DOCK8: variants seen among roughly 807,000 people sequenced by gnomAD.
DOCK8 encodes the protein dedicator of cytokinesis protein 8.
A neutral mutation model predicts 245.6 loss-of-function variants in DOCK8; 141 were observed. The observed-to-expected ratio is 0.57, with a 90% CI of 0.50 to 0.66. The LOEUF (loss-of-function observed/expected upper bound fraction) is 0.66. Ranked by LOEUF, DOCK8 falls within the 30% of genes least tolerant of loss-of-function variation. DOCK8 has a pLI of 0.00. For missense variants in DOCK8, 2,965 were observed against 2,603.4 expected (o/e 1.14, Z -3.02); for synonymous variants, 1,168 against 970.2 (o/e 1.20, Z -3.79).
Position 405,793 on chromosome 9 carries a change from TA to T in DOCK8, c.3390+721del, listed in dbSNP as rs1340713375. 2.6e-5 allele frequency among the ~76,000 whole-genome samples: 4 copies of T among 152,348 alleles called. No individual in the cohort carries two copies. In the East Asian group the frequency reaches 7.7e-4, roughly 29 times the overall value. On this transcript the variant is annotated intron_variant, in intron 27 of 47. Coordinates refer to ENST00000432829, the MANE Select transcript of DOCK8 (RefSeq NM_203447.4). Reference sequence around the variant, plus strand: ...CTAATTGAAAAAAAAATCTTAGCCATATATGCCATATGGCATGATCCAGATA... The same window carrying T: ...CTAATTGAAAAAAAAATCTTAGCCATTATGCCATATGGCATGATCCAGATA...
chr9:375,201 G>A (rs2053467473), intron 18 of DOCK8, among the ~76,000 whole-genome samples: 1 of 152,098 alleles, frequency 6.6e-6, no homozygotes, highest in African/African-American at 2.4e-5. Context: ...AGCTTTAAAG[G>A]TCTCCATCCC....
chr9:393,499 A>G (rs1465447873), intron 24 of DOCK8, among the ~76,000 whole-genome samples: 1 of 152,210 alleles, frequency 6.6e-6, no homozygotes, highest in Non-Finnish European at 1.5e-5. Context: ...GGTTGGAGGA[A>G]GGGTGGTGGC....
intron 9 of DOCK8, among the ~76,000 whole-genome samples, chr9:331,621 G>T (rs1395562728): frequency 2.0e-5 from 3 of 152,080 alleles, no homozygotes; most frequent in Non-Finnish European, 4.4e-5. Flanking sequence ...TTTTTTTTGA[G>T]CAGAGAGTTA....
chr9:293,652 A>G (rs2049137989), intron 4 of DOCK8, among the ~76,000 whole-genome samples: 1 of 152,182 alleles, frequency 6.6e-6, no homozygotes, highest in Non-Finnish European at 1.5e-5. Context: ...AGTTTGGTAC[A>G]TCCTTCTCTT....
chr9:262,931 G>T lies in DOCK8; in HGVS notation c.54-8696G>T, dbSNP rs536932691. Among the ~76,000 whole-genome samples the T allele has an allele frequency of 3.9e-5, 6 of 152,312 alleles. No individual in the cohort carries two copies. In the East Asian group the frequency reaches 1.2e-3, roughly 29 times the overall value. On this transcript the variant is annotated intron_variant, in intron 1 of 47. Coordinates refer to ENST00000432829, the MANE Select transcript of DOCK8 (RefSeq NM_203447.4). ...ACATTTAATAACTGATATAGGCAGG[G>T]CACGGTGGCTCCCGCCTGTAATCCC...
chr9:444,737 C>T (rs2057199567), intron 43 of DOCK8, among the ~76,000 whole-genome samples: 1 of 152,200 alleles, frequency 6.6e-6, no homozygotes, highest in Non-Finnish European at 1.5e-5. Flanking sequence ...CACAAAGACA[C>T]CCATCACTGA....
At chr9:437,098 A>G (rs994986154) in intron 39 of DOCK8, among the ~76,000 whole-genome samples, 9 of 152,232 alleles carry the variant, frequency 5.9e-5, no homozygotes, top group African/African-American at 2.4e-5. Context: ...GGACATACCA[A>G]ATCAATTTGG....
Position 336,653 on chromosome 9 carries a change from G to T in DOCK8, c.1357G>T (p.Glu453Ter), listed in dbSNP as rs113203757. The T allele has an allele frequency of 9.3e-6, 15 of 1,614,038 alleles. No homozygotes were observed. The highest frequency in any genetic ancestry group is 1.3e-5 in the Non-Finnish European group (15 of 1,180,020). Residue 453 changes from glutamate (E) to a stop codon, truncating the protein, a stop_gained, in exon 12 of 48, where the codon GAG becomes TAG. Transcript: ENST00000432829. LOFTEE classifies it high-confidence loss of function. ...GCTTTCTGAAAGAGCCCTCTCCTTG[G>T]AGGAAAATGGGGTTGGATCCAACTT... ...RRLSERALSLEENGVGSNFKT... is the reference protein window; with the variant it reads ...RRLSERALSL
In DOCK8 at chr9:398,347, T is replaced by A. The variant is rs189029203; in HGVS notation, c.3121-799T>A. On this transcript the variant is annotated intron_variant, in intron 25 of 47. Coordinates refer to ENST00000432829, the MANE Select transcript of DOCK8 (RefSeq NM_203447.4). Reference sequence around the variant, plus strand: ...TCAGGTCCCCATCCATCCCAGTGACTTGACTGGTCAGCATGGCCTGAATTT... The same window carrying A: ...TCAGGTCCCCATCCATCCCAGTGACATGACTGGTCAGCATGGCCTGAATTT... 2.0e-3 allele frequency among the ~76,000 whole-genome samples: 307 copies of A among 152,334 alleles called. 1 individual carries two copies. The highest frequency in any genetic ancestry group is 3.7e-3 in the Non-Finnish European group (251 of 68,030).
At chr9:427,516 G>C (rs1372273973) in intron 34 of DOCK8, among the ~76,000 whole-genome samples, 1 of 152,102 alleles carries the variant, frequency 6.6e-6, no homozygotes, top group African/African-American at 2.4e-5. Context: ...TGTGAACTTT[G>C]TACCATACTA....
chr9:356,023 T>TA (rs1334255976), intron 14 of DOCK8, among the ~76,000 whole-genome samples: 1 of 152,206 alleles, frequency 6.6e-6, no homozygotes, highest in African/African-American at 2.4e-5. Flanking sequence ...AATAGGATTC[T>TA]AATAAACCAA....
At chr9:350,661 A>T (rs572266222) in intron 14 of DOCK8, among the ~76,000 whole-genome samples, 16 of 152,348 alleles carry the variant, frequency 1.1e-4, no homozygotes, top group Non-Finnish European at 2.1e-4. Context: ...TAAAGAACAA[A>T]CATCAAATTA....
At chr9:382,810 C>T in intron 22 of DOCK8, 125 bp downstream of exon 22, 2 of 1,274,496 alleles carry the variant, frequency 1.6e-6, no homozygotes, top group South Asian at 1.3e-5. Context: ...CTTTAATGCT[C>T]AGCTTTGGAG....
rs1361553627 is a variant in DOCK8 at position 278,963 on chromosome 9, G to A, written c.156+7234G>A. On this transcript the variant is annotated intron_variant, in intron 2 of 47. Coordinates refer to ENST00000432829, the MANE Select transcript of DOCK8 (RefSeq NM_203447.4). ...CTGCAGTGTGGAAAATAGACTGGAC[G>A]AGGGAGGGCAGTTAGGAAGATGTCA... Among the ~76,000 whole-genome samples, 11 of 152,208 alleles carry A rather than the reference G, an allele frequency of 7.2e-5. No individual in the cohort carries two copies. In the East Asian group the frequency reaches 1.7e-3, roughly 24 times the overall value.
intron 4 of DOCK8, among the ~76,000 whole-genome samples, chr9:296,414 G>A (rs143013708): frequency 7.2e-5 from 11 of 152,230 alleles, no homozygotes; most frequent in African/African-American, 2.4e-4. Flanking sequence ...TATTCTTGCC[G>A]CAGAGACAGT....
chr9:356,830 G>A (rs967555582), intron 14 of DOCK8, among the ~76,000 whole-genome samples: 3 of 120,168 alleles, frequency 2.5e-5, no homozygotes, highest in Non-Finnish European at 3.7e-5. Context: ...CTGCTAACAT[G>A]GGCATCTTAC....
chr9:322,647 C>A (rs1237390668), intron 7 of DOCK8, among the ~76,000 whole-genome samples: 1 of 152,224 alleles, frequency 6.6e-6, no homozygotes, highest in Non-Finnish European at 1.5e-5. Context: ...AATGTCAATT[C>A]TCTTTTTCTT....
At chr9:451,878 T>TATGC (rs1564084905) in intron 45 of DOCK8, 133 bp from the exon 46 acceptor site, 1 of 215,888 alleles carries the variant, frequency 4.6e-6, no homozygotes, top group Non-Finnish European at 8.1e-6. Flanking sequence ...TGTGTATATA[T>TATGC]ATATACATAT....
intron 12 of DOCK8, 67 bp downstream of exon 12, chr9:336,785 G>T: frequency 6.3e-7 from 1 of 1,595,298 alleles, no homozygotes. Context: ...GAACCCACAG[G>T]AGGAGGATAC....
Sources: allele counts gnomAD v4.1 joint callset (sites outside exome capture counted in the v4.1 genomes callset), GRCh38; gene constraint gnomAD v4.1.1; transcripts MANE v1.5; gene names NCBI Gene and HGNC (gene_info 2026-07-23, HGNC 2026-07-21).